The following DISP3 variants were observed in gnomAD, a reference collection of about 807,000 sequenced individuals.
DISP3 encodes the protein protein dispatched homolog 3.
DISP3 carries 101 observed loss-of-function variants against 135.3 expected under a neutral mutation model. The observed-to-expected ratio is 0.75, with a 90% confidence interval of 0.64 to 0.88. The LOEUF (loss-of-function observed/expected upper bound fraction) is 0.88, where lower values mean the gene tolerates loss of function less well. Among genes scored for constraint, DISP3 ranks in the 40% least tolerant of loss-of-function variants. The probability of loss-of-function intolerance (pLI) is 0.00; values close to 1 mark genes in which losing one functional copy is unlikely to be tolerated. For missense variants in DISP3, 1,713 were observed against 1,878.6 expected (o/e 0.91, Z 1.63); for synonymous variants, 856 against 817.0 (o/e 1.05, Z -0.81).
chr1:11,519,791 G>A lies in DISP3; in HGVS notation c.2111G>A (p.Gly704Asp). Reference sequence around the variant, plus strand: ...GGTCTGCAGCCAGCCTCCAACACGGGCAGCCGCGGCCATCTCATCGTGCAG... The same window carrying A: ...GGTCTGCAGCCAGCCTCCAACACGGACAGCCGCGGCCATCTCATCGTGCAG... ...PEGLQPASNTGSRGHLIVQLQ... is the reference protein window; with the variant it reads ...PEGLQPASNTDSRGHLIVQLQ... Residue 704 changes from glycine to aspartate, a missense_variant, in exon 9 of 21, where the codon GGC (glycine) becomes GAC (aspartate). This residue lies in a region of DISP3 where 1,142 missense variants were observed against 1,384.6 expected (regional missense o/e 0.82). Coordinates refer to ENST00000294484, the MANE Select transcript of DISP3 (RefSeq NM_020780.2). The surrounding 1 kb of genome is among the most constrained non-coding windows in gnomAD (Gnocchi z 4.3). 6.2e-7 allele frequency: 1 copy of A among 1,612,996 alleles called. No homozygotes were observed. The highest frequency in any genetic ancestry group is 8.5e-7 in the Non-Finnish European group (1 of 1,180,010).
chr1:11,522,661 AG>A (rs1642250085), intron 10 of DISP3, among the ~76,000 whole-genome samples: 26 of 43,246 alleles, frequency 6.0e-4, no homozygotes, highest in African/African-American at 1.8e-3. Flanking sequence ...GCCCAGCCAG[AG>A]CCCAGCCAGG....
At chr1:11,515,153 A>G (rs1641970695) in intron 4 of DISP3, among the ~76,000 whole-genome samples, 1 of 152,244 alleles carries the variant, frequency 6.6e-6, no homozygotes, top group South Asian at 2.1e-4. Context: ...AAGGTCTGCA[A>G]AGAGGAGGAC....
rs1322468693 is a variant in DISP3 at position 11,519,350 on chromosome 1, C to T, written c.1890-5C>T. 2 of 1,613,520 alleles carry T rather than the reference C, an allele frequency of 1.2e-6. No homozygotes were observed. Among genetic ancestry groups the T allele is most frequent in the South Asian group, 2.2e-5 (2 of 91,038 alleles). ...GTTCACCCCTGTCCCCTACTCTCTC[C>T]ACAGCTGCCACCAGAATTGCAGCCG... On this transcript the variant is annotated splice_polypyrimidine_tract_variant and splice_region_variant and intron_variant, in intron 7 of 20. Coordinates refer to ENST00000294484, the MANE Select transcript of DISP3 (RefSeq NM_020780.2). This position sits in a 1 kb window ranked among gnomAD's most constrained non-coding sequence, Gnocchi z 4.3.
chr1:11,488,963 C>A (rs894774418), intron 1 of DISP3, among the ~76,000 whole-genome samples: 1 of 152,158 alleles, frequency 6.6e-6, no homozygotes, highest in East Asian at 1.9e-4. Flanking sequence ...GCCTCCCCCG[C>A]GATGAGAGGA....
At chr1:11,508,335 T>G (rs1641761021) in intron 3 of DISP3, among the ~76,000 whole-genome samples, 1 of 152,104 alleles carries the variant, frequency 6.6e-6, no homozygotes, top group Admixed American at 6.6e-5. Context: ...GGAGGATCCC[T>G]TGAGCTGAGG....
chr1:11,501,452 G>A lies in DISP3; in HGVS notation c.460G>A (p.Glu154Lys). 6.2e-7 allele frequency: 1 copy of A among 1,601,290 alleles called. No individual in the cohort carries two copies. The stretch of plus-strand genomic sequence containing the variant: ...CGAGACGCTTCAGCGCCTTATCTCA[G>A]AGCAGCTGCAGCAGCTGCATCTCGG... The part of the protein sequence containing the change: ...TSETLQRLIS[E>K]QLQQLHLGNR... The change falls in exon 2 of 21, where the codon GAG (glutamate) becomes AAG (lysine). Residue 154 changes from glutamate to lysine, a missense_variant. Glu to Lys is a moderately conservative substitution (Grantham distance 56). This residue lies in a region of DISP3 where 571 missense variants were observed against 494.1 expected (regional missense o/e 1.16). Transcript: ENST00000294484. This position sits in a 1 kb window ranked among gnomAD's most constrained non-coding sequence, Gnocchi z 4.9.
intron 3 of DISP3, among the ~76,000 whole-genome samples, chr1:11,512,347 C>G (rs535112665): frequency 6.6e-6 from 1 of 152,228 alleles, no homozygotes; most frequent in South Asian, 2.1e-4. Context: ...TTAACAGCAC[C>G]CAAGTCACCT....
intron 3 of DISP3, among the ~76,000 whole-genome samples, chr1:11,507,410 A>G (rs1353326141): frequency 2.0e-5 from 3 of 151,730 alleles, no homozygotes; most frequent in Non-Finnish European, 4.4e-5. Context: ...CAAAAATTCC[A>G]CTCTGCTTTT....
rs1311244092 is a variant in DISP3, at chr1:11,499,758, CTCTGTT to C, written c.-3-1229_-3-1224del. Among the ~76,000 whole-genome samples, 1 of 152,204 alleles carries C rather than the reference CTCTGTT, an allele frequency of 6.6e-6. No homozygotes were observed. The highest frequency in any genetic ancestry group is 2.4e-5 in the African/African-American group (1 of 41,438). On this transcript the variant is annotated intron_variant, in intron 1 of 20. Transcript: ENST00000294484. This position sits in a 1 kb window ranked among gnomAD's most constrained non-coding sequence, Gnocchi z 5.2. ...CTCTCCTCTTTTCCTCTGTCTCTGT[CTCTGTT>C]TCCCTCCTTCCGTCACCTCCTCTTG...
chr1:11,486,216 T>A (rs893344598), intron 1 of DISP3, among the ~76,000 whole-genome samples: 20 of 152,214 alleles, frequency 1.3e-4, no homozygotes, highest in Admixed American at 6.5e-5. Flanking sequence ...CCTCTGGACA[T>A]GATCGTGTGT....
rs190572228 is a variant in DISP3 at position 11,529,035 on chromosome 1, G to T, written c.2799-521G>T. Among the ~76,000 whole-genome samples the T allele has an allele frequency of 3.3e-5, 5 of 152,200 alleles. No individual in the cohort carries two copies. The highest frequency in any genetic ancestry group is 3.3e-4 in the Admixed American group (5 of 15,284). On this transcript the variant is annotated intron_variant, in intron 13 of 20. Coordinates refer to ENST00000294484, the MANE Select transcript of DISP3 (RefSeq NM_020780.2). The surrounding 1 kb of genome is among the most constrained non-coding windows in gnomAD (Gnocchi z 4.7). ...CATCAGTGGGCCAGGGGTCAGGCAG[G>T]CTGCCTGGATGAGCTGGAAACATTC...
At chr1:11,523,267 A>G (rs190976782) in intron 10 of DISP3, among the ~76,000 whole-genome samples, 1 of 152,328 alleles carries the variant, frequency 6.6e-6, no homozygotes, top group African/African-American at 2.4e-5. Flanking sequence ...GGGCTAACAC[A>G]CAACGCTTGA....
Position 11,526,777 on chromosome 1 carries a change from C to T in DISP3, c.2740C>T (p.Arg914Trp), listed in dbSNP as rs374613319. The change falls in exon 13 of 21, where the codon CGG becomes TGG. Residue 914 changes from arginine (R) to tryptophan (W), a missense_variant. Physicochemically the swap from Arg to Trp is moderately radical, Grantham distance 101 (BLOSUM62 -3). Coordinates refer to ENST00000294484, the MANE Select transcript of DISP3 (RefSeq NM_020780.2). ...MLTTLACDAK[R>W]GWKFDFSFYV... ...GACGACCTTGGCCTGTGATGCCAAG[C>T]GGGGCTGGAAGTTTGACTTCAGCTT... is the stretch of plus-strand genomic sequence containing the variant. 9 of 1,613,192 alleles carry T rather than the reference C, an allele frequency of 5.6e-6. No individual in the cohort carries two copies. The highest frequency in any genetic ancestry group is 1.3e-5 in the African/African-American group (1 of 75,042).
intron 15 of DISP3, among the ~76,000 whole-genome samples, chr1:11,530,428 T>A (rs1056722442): frequency 6.6e-6 from 1 of 152,080 alleles, no homozygotes; most frequent in African/African-American, 2.4e-5. Flanking sequence ...GACAGGTGGG[T>A]GTCCTTTGCC....
intron 3 of DISP3, among the ~76,000 whole-genome samples, chr1:11,504,830 T>C (rs983148214): frequency 6.6e-6 from 1 of 152,208 alleles, no homozygotes; most frequent in African/African-American, 2.4e-5. Context: ...CCTCTTTTCT[T>C]TATAAATTAC....
intron 3 of DISP3, among the ~76,000 whole-genome samples, chr1:11,509,063 C>T (rs72866404): frequency 1.3e-5 from 2 of 152,052 alleles, no homozygotes; most frequent in Non-Finnish European, 2.9e-5. Flanking sequence ...TTAAGTATGA[C>T]TATTTTAGCA....
rs770578769 is a variant in DISP3, at chr1:11,501,022, G to A, written c.30G>A (p.Gln10=). ...ACACGGAGGATGACCCCTTGCTGCA[G>A]GATGTGTGGCTAGAGGAGGAGCAGG... MDTEDDPLL[Q]DVWLEEEQEE... Residue 10 remains glutamine, a synonymous_variant, in exon 2 of 21, where the codon CAG becomes CAA. Transcript: ENST00000294484. This position sits in a 1 kb window ranked among gnomAD's most constrained non-coding sequence, Gnocchi z 4.9. The A allele has an allele frequency of 6.2e-7, 1 of 1,614,006 alleles. No homozygotes were observed. The highest frequency in any genetic ancestry group is 8.5e-7 in the Non-Finnish European group (1 of 1,180,036).
At chr1:11,497,048 C>T (rs2100391277) in intron 1 of DISP3, among the ~76,000 whole-genome samples, 1 of 152,262 alleles carries the variant, frequency 6.6e-6, no homozygotes, top group Middle Eastern at 3.4e-3. Flanking sequence ...GCATGATAGA[C>T]CAAGAACTCA....
In DISP3 at chr1:11,509,934, T is replaced by TA. The variant is rs1234029215; in HGVS notation, c.1317-4450dup. Among the ~76,000 whole-genome samples, 6 of 152,072 alleles carry TA rather than the reference T, an allele frequency of 3.9e-5. No individual in the cohort carries two copies. In the South Asian group the frequency reaches 1.2e-3, roughly 32 times the overall value. On this transcript the variant is annotated intron_variant, in intron 3 of 20. Coordinates refer to ENST00000294484, the MANE Select transcript of DISP3 (RefSeq NM_020780.2). ...GCTAACATGGTGAAACCCATGTTAC[T>TA]AAAAAATACAAAAAATTAGCTGGGC...
Sources: gnomAD v4.1 joint callset for allele counts (sites outside exome capture counted in the v4.1 genomes callset) on GRCh38, gnomAD v4.1.1 for gene constraint, gnomAD v4.1.1 regional missense constraint, Gnocchi (gnomAD v3.1) non-coding constraint, MANE v1.5 for transcripts, NCBI Gene and HGNC (gene_info 2026-07-23, HGNC 2026-07-21) for gene names.